Variants in TBCD observed in about 807,000 individuals in gnomAD.
TBCD encodes the protein tubulin folding cofactor D, also known as tubulin-specific chaperone D.
TBCD carries 105 observed loss-of-function variants against 169.3 expected under a neutral mutation model. The ratio of observed to expected loss-of-function variants is 0.62; its 90% CI spans 0.53 to 0.73. The LOEUF (loss-of-function observed/expected upper bound fraction) is 0.73. Among genes scored for constraint, TBCD ranks in the 30% least tolerant of loss-of-function variants. The pLI, the probability that TBCD is intolerant of heterozygous loss-of-function variation, is 0.00. For synonymous variants in TBCD, 700 were observed against 643.9 expected, an observed-to-expected ratio of 1.09 and a Z score of -1.32; for missense variants, 1,444 against 1,600.1, an observed-to-expected ratio of 0.90 and a Z score of 1.66.
chr17:82,886,056 C>CTGTGA (rs2058685790), intron 15 of TBCD: 1 of 152,226 alleles, frequency 6.6e-6, no homozygotes, highest in African/African-American at 2.4e-5. Flanking sequence ...TCTTCAGCAC[C>CTGTGA]GGCCAGGAGG....
chr17:82,942,269 A>T, intron 38 of TBCD, 180 bp from the exon 39 acceptor site: 1 of 750,866 alleles, frequency 1.3e-6, no homozygotes, highest in Non-Finnish European at 2.2e-6. Context: ...AGGACACGTT[A>T]GTCATGAGCA....
Position 82,809,140 on chromosome 17 carries a change from C to T in TBCD, c.1149-568C>T, listed in dbSNP as rs537736426. ...GGGATGGCTTTTCAGCCCAGAGCCTCGTCTGGTTGGGTGTGATGGGCCCAC... is the reference window on the plus strand; with the variant it reads ...GGGATGGCTTTTCAGCCCAGAGCCTTGTCTGGTTGGGTGTGATGGGCCCAC... On this transcript the variant is annotated intron_variant, in intron 11 of 38. Transcript: ENST00000355528. Among the ~76,000 whole-genome samples the T allele has an allele frequency of 7.2e-5, 11 of 152,176 alleles. No homozygotes were observed. The South Asian group carries it at 1.7e-3, about 23-fold the overall frequency.
At chr17:82,803,268 T>C (rs1039846900) in intron 9 of TBCD, among the ~76,000 whole-genome samples, 1 of 152,184 alleles carries the variant, frequency 6.6e-6, no homozygotes, top group African/African-American at 2.4e-5. Context: ...GGTCCTTGCT[T>C]TAAGTATGTA....
intron 23 of TBCD, chr17:82,918,444 C>T (rs79989195): frequency 0.03 from 4,612 of 152,256 alleles, 92 homozygotes; most frequent in Non-Finnish European, 0.045. Flanking sequence ...AGCGTGGTGC[C>T]GAGACCCCAT....
chr17:82,929,644 G>A, intron 32 of TBCD, 144 bp downstream of exon 32: 1 of 1,165,176 alleles, frequency 8.6e-7, no homozygotes, highest in Non-Finnish European at 1.2e-6. Flanking sequence ...AGGGGGTCAG[G>A]GGCCCAGTGT....
Position 82,939,336 on chromosome 17 carries a change from C to T in TBCD, c.3370-31C>T, listed in dbSNP as rs377469214. On this transcript the variant is annotated intron_variant, in intron 36 of 38. Transcript: ENST00000355528. The stretch of plus-strand genomic sequence containing the variant: ...TCCGGGGTGGGGCGGTGGCGCTTCC[C>T]TCCGGCAAATGCACTGCATCCCTGT... 1.5e-4 allele frequency: 232 copies of T among 1,578,752 alleles called. 1 individual carries two copies. The African/African-American group carries it at 2.7e-3, about 18-fold the overall frequency.
rs1443623977 is a variant in TBCD, at chr17:82,782,716, G to A, written c.771+995G>A. ...GCCACGGCGTCCTCCTGTCCGTGGC[G>A]TCGTCCTCCTGTCCGCAGCATCGTC... On this transcript the variant is annotated intron_variant, in intron 7 of 38. Coordinates refer to ENST00000355528, the MANE Select transcript of TBCD (RefSeq NM_005993.5). The surrounding 1 kb of genome is among the most constrained non-coding windows in gnomAD (Gnocchi z 5.1). Among the ~76,000 whole-genome samples, 8 of 152,018 alleles carry A rather than the reference G, an allele frequency of 5.3e-5. No individual in the cohort carries two copies. Among genetic ancestry groups the A allele is most frequent in the Non-Finnish European group, 1.0e-4 (7 of 67,970 alleles).
At chr17:82,795,660 G>A in intron 7 of TBCD, 2 of 932,300 alleles carry the variant, frequency 2.1e-6, no homozygotes, top group Non-Finnish European at 2.6e-6. Context: ...CTCCACAGCT[G>A]GTGGCATCAG....
chr17:82,837,505 T>G (rs1309033758), intron 13 of TBCD, among the ~76,000 whole-genome samples: 1 of 151,874 alleles, frequency 6.6e-6, no homozygotes, highest in Non-Finnish European at 1.5e-5. Context: ...CTGGGGGAGG[T>G]GTGTTTCCAT....
chr17:82,834,985 C>A (rs1357852575), intron 13 of TBCD, among the ~76,000 whole-genome samples: 1 of 152,038 alleles, frequency 6.6e-6, no homozygotes, highest in Admixed American at 6.5e-5. Context: ...ATCCCTTGAG[C>A]CCAGGAGATT....
chr17:82,926,702 A>G (rs1436114617), intron 28 of TBCD, among the ~76,000 whole-genome samples: 7 of 152,214 alleles, frequency 4.6e-5, no homozygotes, highest in Non-Finnish European at 7.3e-5. Context: ...CTTTAGGGAC[A>G]CTGGGCCCCT....
chr17:82,900,473 G>T, intron 17 of TBCD, 178 bp from the exon 18 acceptor site: 1 of 596,496 alleles, frequency 1.7e-6, no homozygotes, highest in South Asian at 2.1e-5. Flanking sequence ...TAAAGCCCGT[G>T]TGTGCACAGA....
intron 2 of TBCD, among the ~76,000 whole-genome samples, chr17:82,758,648 C>CTTTTTTTTTTTCTTTT (rs2047573466): frequency 8.7e-6 from 1 of 115,028 alleles, no homozygotes; most frequent in African/African-American, 3.4e-5. Flanking sequence ...CACCCTTTTG[C>CTTTTTTTTTTTCTTTT]TTTTTTTTTT....
chr17:82,870,183 G>A (rs1410074884), intron 13 of TBCD, 41 bp from the exon 14 acceptor site: 1 of 1,610,596 alleles, frequency 6.2e-7, no homozygotes, highest in Admixed American at 1.7e-5. Context: ...TGTTGCCCGT[G>A]TGGTCTGCTC....
rs2059004045 is a variant in TBCD at position 82,889,804 on chromosome 17, G to A, written c.1563+107G>A. On this transcript the variant is annotated intron_variant, in intron 16 of 38. Coordinates refer to ENST00000355528, the MANE Select transcript of TBCD (RefSeq NM_005993.5). This position sits in a 1 kb window ranked among gnomAD's most constrained non-coding sequence, Gnocchi z 5.3. ...GTCTTCTCGCACTGTGAGATGTGGT[G>A]TGGCTACATCAATGCCAGGGTCATG... The A allele has an allele frequency of 1.5e-6, 2 of 1,308,980 alleles. No homozygotes were observed. The highest frequency in any genetic ancestry group is 2.6e-5 in the South Asian group (2 of 76,638). The allele number at this position is 1,308,980 out of a possible 1,614,324, so 81.1% of individuals were successfully genotyped here.
intron 35 of TBCD, 190 bp from the exon 36 acceptor site, chr17:82,937,859 G>A: frequency 6.7e-7 from 1 of 1,503,748 alleles, no homozygotes; most frequent in Non-Finnish European, 8.9e-7. Flanking sequence ...CTTTCCAAGT[G>A]CGACACTCGT....
At chr17:82,755,673 A>G (rs2047366780) in intron 1 of TBCD, among the ~76,000 whole-genome samples, 1 of 152,182 alleles carries the variant, frequency 6.6e-6, no homozygotes. Flanking sequence ...TTTTCAGGTT[A>G]AGTTTGGAAT....
intron 17 of TBCD, among the ~76,000 whole-genome samples, chr17:82,896,471 T>G (rs1328905978): frequency 6.8e-6 from 1 of 146,792 alleles, no homozygotes; most frequent in Non-Finnish European, 1.5e-5. Flanking sequence ...TTTTTTTTTT[T>G]TTTTTTCCTT....
intron 12 of TBCD, among the ~76,000 whole-genome samples, chr17:82,812,207 A>G (rs1319491078): frequency 6.6e-6 from 1 of 151,954 alleles, no homozygotes; most frequent in Non-Finnish European, 1.5e-5. Flanking sequence ...GAGCAAACCA[A>G]CTGAACCTGT....
Sources: allele counts gnomAD v4.1 joint callset (sites outside exome capture counted in the v4.1 genomes callset), GRCh38; gene constraint gnomAD v4.1.1; non-coding constraint Gnocchi (gnomAD v3.1); transcripts MANE v1.5; gene names NCBI Gene and HGNC (gene_info 2026-07-23, HGNC 2026-07-21).